The following ZNF385D variants were observed in gnomAD, a reference collection of about 807,000 sequenced individuals.
The protein encoded by ZNF385D is zinc finger protein 659.
In ZNF385D, 15 loss-of-function variants were observed where a neutral mutation model predicts 35.8. That is an observed-to-expected ratio of 0.42 (90% CI 0.28 to 0.64). ZNF385D has a LOEUF of 0.64. ZNF385D is among the 30% of genes least tolerant of loss of function. ZNF385D has a pLI of 0.23. For missense variants in ZNF385D, 474 were observed against 494.6 expected (o/e 0.96, Z 0.39); for synonymous variants, 212 against 186.8 (o/e 1.13, Z -1.10).
At chr3:21,690,328 G>A (rs2125341341) in intron 1 of ZNF385D, among the ~76,000 whole-genome samples, 1 of 152,220 alleles carries the variant, frequency 6.6e-6, no homozygotes, top group Admixed American at 6.5e-5. Context: ...AAATCTGCAA[G>A]CTATCTGGAA....
At chr3:21,651,618 G>C (rs2065916922) in intron 2 of ZNF385D, among the ~76,000 whole-genome samples, 1 of 151,010 alleles carries the variant, frequency 6.6e-6, no homozygotes, top group Admixed American at 6.6e-5. Context: ...CATTTATATA[G>C]CAAGTTAAAT....
intron 2 of ZNF385D, among the ~76,000 whole-genome samples, chr3:21,568,327 T>G (rs896715389): frequency 1.3e-5 from 2 of 152,212 alleles, no homozygotes; most frequent in African/African-American, 4.8e-5. Flanking sequence ...TAGCCTCTAC[T>G]GTCAAATCAG....
chr3:21,638,046 A>C (rs1047628143), intron 2 of ZNF385D, among the ~76,000 whole-genome samples: 4 of 152,142 alleles, frequency 2.6e-5, no homozygotes, highest in African/African-American at 9.7e-5. Flanking sequence ...TTGGCAGTAA[A>C]AATAAAATAA....
chr3:21,626,611 C>G (rs1335059315), intron 2 of ZNF385D, among the ~76,000 whole-genome samples: 1 of 152,012 alleles, frequency 6.6e-6, no homozygotes, highest in Non-Finnish European at 1.5e-5. Flanking sequence ...GGGTGGCCAG[C>G]CTTGGCTACT....
intron 3 of ZNF385D, among the ~76,000 whole-genome samples, chr3:21,513,942 C>T (rs1236730430): frequency 3.3e-5 from 5 of 152,074 alleles, no homozygotes; most frequent in African/African-American, 1.2e-4. Flanking sequence ...CTTTGGGCCA[C>T]TTGATAGATG....
chr3:21,452,145 C>A (rs1172881573), intron 4 of ZNF385D, among the ~76,000 whole-genome samples: 1 of 151,918 alleles, frequency 6.6e-6, no homozygotes, highest in Non-Finnish European at 1.5e-5. Flanking sequence ...ATTTAATGTA[C>A]CATGTCAGAT....
At chr3:21,953,613 T>C (rs1702159803) in intron 3 of ZNF385D, among the ~76,000 whole-genome samples, 1 of 152,048 alleles carries the variant, frequency 6.6e-6, no homozygotes, top group Non-Finnish European at 1.5e-5. Context: ...TTAACTCATA[T>C]TTTTTACCTC....
At chr3:22,326,308 G>A (rs1401247766) in intron 2 of ZNF385D, among the ~76,000 whole-genome samples, 1 of 152,180 alleles carries the variant, frequency 6.6e-6, no homozygotes, top group Non-Finnish European at 1.5e-5. Flanking sequence ...AGGTAAGGGA[G>A]AAAATTCCTT....
intron 2 of ZNF385D, among the ~76,000 whole-genome samples, chr3:22,182,858 A>T (rs575852685): frequency 1.1e-4 from 16 of 152,188 alleles, no homozygotes; most frequent in African/African-American, 3.8e-4. Context: ...GATTTTTTTC[A>T]TATGTAGGAG....
At chr3:21,975,612 T>C (rs1053799504) in intron 3 of ZNF385D, among the ~76,000 whole-genome samples, 2 of 151,696 alleles carry the variant, frequency 1.3e-5, no homozygotes, top group Non-Finnish European at 2.9e-5. Flanking sequence ...TTTACTTTGA[T>C]GTGATTTTTA....
At chr3:21,466,326 T>C (rs1703513283) in intron 4 of ZNF385D, among the ~76,000 whole-genome samples, 1 of 152,180 alleles carries the variant, frequency 6.6e-6, no homozygotes, top group Middle Eastern at 3.2e-3. Flanking sequence ...TCCACTTTGC[T>C]CTAGTCATAT....
chr3:21,986,993 CT>C (rs1220093007), intron 3 of ZNF385D, among the ~76,000 whole-genome samples: 1 of 83,058 alleles, frequency 1.2e-5, no homozygotes, highest in Non-Finnish European at 2.3e-5. Flanking sequence ...ATTGCAACCC[CT>C]GCCTTTTTTT....
rs190019762 is a variant in ZNF385D, at chr3:22,000,374, T to C, written c.325+168443A>G. 1.6e-4 allele frequency among the ~76,000 whole-genome samples: 25 copies of C among 152,218 alleles called. No homozygotes were observed. The Middle Eastern group carries it at 0.014, about 83-fold the overall frequency. On this transcript the variant is annotated intron_variant, in intron 3 of 5. Transcript: ENST00000494108. ...CAAAGTGACCTCTGGTCATCCTCAC[T>C]GCTACACTCCTACCAGTGCCATGAC...
intron 2 of ZNF385D, among the ~76,000 whole-genome samples, chr3:22,194,892 C>T (rs776508371): frequency 5.3e-5 from 8 of 151,860 alleles, no homozygotes; most frequent in Non-Finnish European, 1.2e-4. Context: ...TATTCATTCA[C>T]CCCTTGAAGG....
chr3:22,239,182 T>C (rs377420411), intron 2 of ZNF385D, among the ~76,000 whole-genome samples: 19 of 151,186 alleles, frequency 1.3e-4, no homozygotes, highest in African/African-American at 4.2e-4. Flanking sequence ...GAACAAGAGT[T>C]GGAAAACTAT....
chr3:21,703,250 C>A (rs1404968878), intron 1 of ZNF385D, among the ~76,000 whole-genome samples: 1 of 152,068 alleles, frequency 6.6e-6, no homozygotes, highest in African/African-American at 2.4e-5. Flanking sequence ...AAGGAAGAAG[C>A]AAAAGTGGAA....
intron 2 of ZNF385D, among the ~76,000 whole-genome samples, chr3:22,349,609 C>G (rs569391795): frequency 2.6e-5 from 4 of 152,206 alleles, no homozygotes; most frequent in South Asian, 2.1e-4. Context: ...GGACCAAACC[C>G]AAGGTTTTAC....
chr3:21,928,879 C>T (rs965496695), intron 3 of ZNF385D, among the ~76,000 whole-genome samples: 18 of 151,890 alleles, frequency 1.2e-4, no homozygotes, highest in African/African-American at 3.6e-4. Flanking sequence ...AGAGTTTTAC[C>T]GTGAATTCTG....
intron 3 of ZNF385D, among the ~76,000 whole-genome samples, chr3:21,553,261 T>G (rs149182760): frequency 6.6e-6 from 1 of 152,154 alleles, no homozygotes; most frequent in Non-Finnish European, 1.5e-5. Context: ...CTCAGAAATA[T>G]TGCAATTTGG....
Sources: allele counts gnomAD v4.1 joint callset (sites outside exome capture counted in the v4.1 genomes callset), GRCh38; gene constraint gnomAD v4.1.1; transcripts MANE v1.5; gene names NCBI Gene and HGNC (gene_info 2026-07-23, HGNC 2026-07-21).